ITGB4: variants seen among roughly 807,000 people sequenced by gnomAD.
The protein encoded by ITGB4 is integrin subunit beta 4, also known as integrin beta-4.
In ITGB4, 159 loss-of-function variants were observed where a neutral mutation model predicts 207.6. That is an observed-to-expected ratio of 0.77 (90% CI 0.67 to 0.87). The LOEUF is 0.87. ITGB4 is among the 40% of genes least tolerant of loss of function. The probability of loss-of-function intolerance (pLI) is 0.00; values close to 1 mark genes in which losing one functional copy is unlikely to be tolerated. For missense variants in ITGB4, 2,278 were observed against 2,546.8 expected (o/e 0.89, Z 2.27); for synonymous variants, 1,020 against 1,062.7 (o/e 0.96, Z 0.78).
At position 75,740,140 on chromosome 17, in the gene ITGB4, C is replaced by T; in HGVS notation, c.2446+69C>T. ...GGGCCCTCTGTTCCAGATCTGGGAT[C>T]ACAGCATGCCTCTTCTCTGGGTGTG... On this transcript the variant is annotated intron_variant, in intron 20 of 39. Coordinates refer to ENST00000200181, the MANE Select transcript of ITGB4 (RefSeq NM_000213.5). This position sits in a 1 kb window ranked among gnomAD's most constrained non-coding sequence, Gnocchi z 5.9. 1.3e-6 allele frequency: 2 copies of T among 1,482,704 alleles called. No homozygotes were observed. The highest frequency in any genetic ancestry group is 1.8e-6 in the Non-Finnish European group (2 of 1,093,768). The allele number at this position is 1,482,704 out of a possible 1,614,324, so 91.8% of individuals were successfully genotyped here. A position where few individuals can be genotyped will look rare whatever the true frequency, so the allele number is the denominator to read the frequency against.
At chr17:75,724,313 C>A (rs2148450340) in intron 1 of ITGB4, among the ~76,000 whole-genome samples, 1 of 152,348 alleles carries the variant, frequency 6.6e-6, no homozygotes, top group South Asian at 2.1e-4. Context: ...AGGGAGGCAC[C>A]CTCATTGGAT....
intron 33 of ITGB4, 54 bp from the exon 34 acceptor site, chr17:75,754,522 C>T: frequency 2.5e-6 from 4 of 1,610,740 alleles, no homozygotes; most frequent in Non-Finnish European, 2.5e-6. Context: ...GCCTGCCCCA[C>T]GGGGCCCGGG....
intron 30 of ITGB4, 140 bp downstream of exon 30, chr17:75,751,251 G>C: frequency 9.7e-7 from 1 of 1,035,088 alleles, no homozygotes; most frequent in Non-Finnish European, 1.4e-6. Context: ...CAGCGGATAA[G>C]CCTGAGGCAT....
Position 75,731,136 on chromosome 17 carries a change from T to G in ITGB4, c.1093-110T>G, listed in dbSNP as rs1032209978. On this transcript the variant is annotated intron_variant, in intron 9 of 39. Transcript: ENST00000200181. The surrounding 1 kb of genome is among the most constrained non-coding windows in gnomAD (Gnocchi z 6.8). ...CCGAGGGGCCACCTGGGCCTGGCCC[T>G]GGCTCCTGCAGGCTCTGTGATACCC... is the stretch of plus-strand genomic sequence containing the variant. The G allele has an allele frequency of 8.2e-6, 13 of 1,578,864 alleles. No homozygotes were observed. Among genetic ancestry groups the G allele is most frequent in the African/African-American group, 1.4e-5 (1 of 73,974 alleles).
chr17:75,721,852 G>A (rs2060623269), intron 1 of ITGB4, among the ~76,000 whole-genome samples: 1 of 152,236 alleles, frequency 6.6e-6, no homozygotes, highest in African/African-American at 2.4e-5. Context: ...CCTTGGGTGC[G>A]CCTGCGGGAG....
Position 75,750,389 on chromosome 17 carries a change from A to G in ITGB4, c.3474+121A>G. On this transcript the variant is annotated intron_variant, in intron 28 of 39. Transcript: ENST00000200181. The surrounding 1 kb of genome is among the most constrained non-coding windows in gnomAD (Gnocchi z 5.5). ...GAGAGAGCAGACAGTGGAACCTAGC[A>G]CAGGTGGTCAGAGGGAAACCCGGTC... The G allele has an allele frequency of 5.7e-6, 6 of 1,060,774 alleles. No homozygotes were observed. The highest frequency in any genetic ancestry group is 8.1e-6 in the Non-Finnish European group (6 of 737,986). The allele number at this position is 1,060,774 out of a possible 1,614,324, so 65.7% of individuals were successfully genotyped here. A position where few individuals can be genotyped will look rare whatever the true frequency, so the allele number is the denominator to read the frequency against.
intron 2 of ITGB4, among the ~76,000 whole-genome samples, chr17:75,726,375 G>A (rs1188258013): frequency 6.6e-6 from 1 of 152,090 alleles, no homozygotes; most frequent in East Asian, 1.9e-4. Context: ...GCAGTGAGCT[G>A]TGATCATGCC....
rs775883193 is a variant in ITGB4 at position 75,752,380 on chromosome 17, GGGGCAGACC to G, written c.3976+31_3976+39del. 5.6e-6 allele frequency: 9 copies of G among 1,612,530 alleles called. 1 individual carries two copies. Among genetic ancestry groups the G allele is most frequent in the African/African-American group, 1.3e-5 (1 of 74,942 alleles). ...CAGTGAGTGGTGGGCAGGGAGGTGA[GGGGCAGACC>G]GGGCAGGGGGGCAGGGGGCAGCAGC... On this transcript the variant is annotated intron_variant, in intron 31 of 39. Transcript: ENST00000200181.
In ITGB4 at chr17:75,732,064, C is replaced by A. The variant is rs912181249; in HGVS notation, c.1377+91C>A. Reference sequence around the variant, plus strand: ...GAAGCAGGACTCCTGTGCCCCATATCCCTTGTGGGGTTTCCCGAGGCACAC... The same window carrying A: ...GAAGCAGGACTCCTGTGCCCCATATACCTTGTGGGGTTTCCCGAGGCACAC... On this transcript the variant is annotated intron_variant, in intron 11 of 39. Coordinates refer to ENST00000200181, the MANE Select transcript of ITGB4 (RefSeq NM_000213.5). This position sits in a 1 kb window ranked among gnomAD's most constrained non-coding sequence, Gnocchi z 5.3. 269 of 1,604,686 alleles carry A rather than the reference C, an allele frequency of 1.7e-4. 1 individual carries two copies. Among genetic ancestry groups the A allele is most frequent in the Non-Finnish European group, 2.2e-4 (258 of 1,172,098 alleles).
intron 5 of ITGB4, among the ~76,000 whole-genome samples, 160 bp from the exon 6 acceptor site, chr17:75,728,217 A>G (rs2060765425): frequency 6.6e-6 from 1 of 152,204 alleles, no homozygotes; most frequent in African/African-American, 2.4e-5. Context: ...TCCCTCATCC[A>G]TAAATAGGAA....
At position 75,739,783 on chromosome 17, in the gene ITGB4, T is replaced by G; in HGVS notation, c.2254+78T>G. ...AGCTGGGGTGGAGGGAAGCTGAACC[T>G]GGAACGGCAGAGGCTGGAGGCTCTG... On this transcript the variant is annotated intron_variant, in intron 19 of 39. Coordinates refer to ENST00000200181, the MANE Select transcript of ITGB4 (RefSeq NM_000213.5). The surrounding 1 kb of genome is among the most constrained non-coding windows in gnomAD (Gnocchi z 5.4). 6.2e-7 allele frequency: 1 copy of G among 1,610,732 alleles called. No homozygotes were observed. The highest frequency in any genetic ancestry group is 8.5e-7 in the Non-Finnish European group (1 of 1,177,188).
Position 75,729,504 on chromosome 17 carries a change from G to A in ITGB4, c.738+68G>A. On this transcript the variant is annotated intron_variant, in intron 7 of 39. Transcript: ENST00000200181. This position sits in a 1 kb window ranked among gnomAD's most constrained non-coding sequence, Gnocchi z 4.4. ...GCACTTCTGGGCAAGGGCCTGAGCT[G>A]CCCCCTGGCCTGCTCTGGTGCCAGG... 1 of 1,517,690 alleles carries A rather than the reference G, an allele frequency of 6.6e-7. No homozygotes were observed. The highest frequency in any genetic ancestry group is 8.9e-7 in the Non-Finnish European group (1 of 1,118,012). The allele number at this position is 1,517,690 out of a possible 1,614,324, so 94.0% of individuals were successfully genotyped here. A position where few individuals can be genotyped will look rare whatever the true frequency, so the allele number is the denominator to read the frequency against.
chr17:75,750,590 G>T lies in ITGB4; in HGVS notation c.3475-90G>T, dbSNP rs766600125. The T allele has an allele frequency of 6.7e-6, 8 of 1,197,504 alleles. No individual in the cohort carries two copies. The highest frequency in any genetic ancestry group is 7.3e-6 in the Non-Finnish European group (6 of 823,000). The allele number at this position is 1,197,504 out of a possible 1,614,324, so 74.2% of individuals were successfully genotyped here. A position where few individuals can be genotyped will look rare whatever the true frequency, so the allele number is the denominator to read the frequency against. ...CTCCCTCGGGCCTCATCTGTGCAAA[G>T]AGGACAGTAAGGGCAGAGGTCAGAG... is the stretch of plus-strand genomic sequence containing the variant. On this transcript the variant is annotated intron_variant, in intron 28 of 39. Coordinates refer to ENST00000200181, the MANE Select transcript of ITGB4 (RefSeq NM_000213.5). The surrounding 1 kb of genome is among the most constrained non-coding windows in gnomAD (Gnocchi z 5.5).
Position 75,756,747 on chromosome 17 carries a change from G to A in ITGB4, c.4941G>A (p.Leu1647=). ...GCACTCCCAGTGCCCCAGGCCCGCT[G>A]GTGTTCACTGCCCTGAGCCCAGACT... The part of the protein sequence containing the change: ...TLSTPSAPGP[L]VFTALSPDSL... Residue 1647 remains leucine, a synonymous_variant, in exon 37 of 40, where the codon CTG becomes CTA. Coordinates refer to ENST00000200181, the MANE Select transcript of ITGB4 (RefSeq NM_000213.5). 6.2e-7 allele frequency: 1 copy of A among 1,613,058 alleles called. No individual in the cohort carries two copies. Among genetic ancestry groups the A allele is most frequent in the Non-Finnish European group, 8.5e-7 (1 of 1,180,014 alleles).
intron 7 of ITGB4, among the ~76,000 whole-genome samples, 175 bp from the exon 8 acceptor site, chr17:75,730,066 C>T (rs1323779218): frequency 6.6e-6 from 1 of 152,248 alleles, no homozygotes; most frequent in Non-Finnish European, 1.5e-5. Flanking sequence ...TGTTTCTCAG[C>T]GTTGTCACTC....
At chr17:75,723,694 C>T (rs992807972) in intron 1 of ITGB4, among the ~76,000 whole-genome samples, 8 of 152,238 alleles carry the variant, frequency 5.3e-5, no homozygotes, top group Non-Finnish European at 1.0e-4. Context: ...GCCCCCAGAC[C>T]CTGGGGTGGC....
At chr17:75,725,302 T>G (rs2060696169) in intron 2 of ITGB4, among the ~76,000 whole-genome samples, 1 of 152,130 alleles carries the variant, frequency 6.6e-6, no homozygotes, top group South Asian at 2.1e-4. Context: ...GAGCCGTTGT[T>G]ATTTTTTTAT....
chr17:75,723,466 C>T (rs989847776), intron 1 of ITGB4, among the ~76,000 whole-genome samples: 1 of 152,202 alleles, frequency 6.6e-6, no homozygotes, highest in Non-Finnish European at 1.5e-5. Flanking sequence ...GGCGGCTACA[C>T]CCCGAGGCTG....
rs770018972 is a variant in ITGB4, at chr17:75,742,312, G to T, written c.2634-29G>T. On this transcript the variant is annotated intron_variant, in intron 23 of 39. Coordinates refer to ENST00000200181, the MANE Select transcript of ITGB4 (RefSeq NM_000213.5). This position sits in a 1 kb window ranked among gnomAD's most constrained non-coding sequence, Gnocchi z 5.9. The stretch of plus-strand genomic sequence containing the variant: ...CAGCAGGTGCCAGCCTGACCCCTCC[G>T]CTGCCTGAACCTTCCACCCTCGACC... 1.9e-6 allele frequency: 3 copies of T among 1,612,966 alleles called. No homozygotes were observed. The highest frequency in any genetic ancestry group is 2.2e-5 in the East Asian group (1 of 44,878).
Sources: gnomAD v4.1 joint callset for allele counts (sites outside exome capture counted in the v4.1 genomes callset) on GRCh38, gnomAD v4.1.1 for gene constraint, Gnocchi (gnomAD v3.1) non-coding constraint, MANE v1.5 for transcripts, NCBI Gene and HGNC (gene_info 2026-07-23, HGNC 2026-07-21) for gene names.